The following ZC3H7A variants were observed in gnomAD, a reference collection of about 807,000 sequenced individuals.
ZC3H7A encodes zinc finger CCCH domain-containing protein 7A.
A neutral mutation model predicts 125.5 loss-of-function variants in ZC3H7A; 44 were observed. That is an observed-to-expected ratio of 0.35 (90% CI 0.28 to 0.45). ZC3H7A has a LOEUF of 0.45. Among genes scored for constraint, ZC3H7A ranks in the 20% least tolerant of loss-of-function variants. The probability of loss-of-function intolerance (pLI) is 1.00; values close to 1 mark genes in which losing one functional copy is unlikely to be tolerated. For synonymous variants in ZC3H7A, 399 were observed against 391.2 expected, an observed-to-expected ratio of 1.02 and a Z score of -0.23; for missense variants, 977 against 1,170.7, an observed-to-expected ratio of 0.83 and a Z score of 2.41.
At position 11,768,460 on chromosome 16, in the gene ZC3H7A, C is replaced by A; in HGVS notation, c.1215G>T (p.Leu405=). 6.6e-7 allele frequency: 1 copy of A among 1,509,040 alleles called. No homozygotes were observed. Among genetic ancestry groups the A allele is most frequent in the Non-Finnish European group, 9.0e-7 (1 of 1,117,146 alleles). 93.5% of individuals were successfully genotyped at this position (1,509,040 alleles called of 1,614,324 possible). ...PGSLFASENF[L]GISSQPRNDF... ...CATTTCTAGGCTGACTTGAAATTCCCAGGAAATTCTCTGAAGCAAACAAAC... is the reference window on the plus strand; with the variant it reads ...CATTTCTAGGCTGACTTGAAATTCCAAGGAAATTCTCTGAAGCAAACAAAC... Residue 405 remains leucine (L), a synonymous_variant, in exon 12 of 23, where the codon CTG becomes CTT. Transcript: ENST00000355758.
intron 7 of ZC3H7A, chr16:11,775,484 T>A (rs1181068386): frequency 6.5e-6 from 1 of 154,456 alleles, no homozygotes. Context: ...CACGCAAACC[T>A]GTATACATGT....
rs1283945713 is a variant in ZC3H7A at position 11,770,887 on chromosome 16, T to C, written c.1004A>G (p.Tyr335Cys). ...LLGTLPIGAR[Y>C]APPPSFSEFY... ...TTCTGAGAAGGAGGGTGGAGGAGCA[T>C]ACCTCGCACCAATGGGTAAGGTTCC... Residue 335 changes from tyrosine (Y) to cysteine (C), a missense_variant, in exon 10 of 23, where the codon TAT becomes TGT. By Grantham distance (194) the Tyr-to-Cys change is radical. This residue lies in a region of ZC3H7A where 342 missense variants were observed against 311.3 expected (regional missense o/e 1.10). Transcript: ENST00000355758. 1.9e-6 allele frequency: 3 copies of C among 1,613,996 alleles called. No individual in the cohort carries two copies. The highest frequency in any genetic ancestry group is 2.2e-5 in the East Asian group (1 of 44,890).
At chr16:11,795,717 G>T (rs1047726964) in intron 1 of ZC3H7A, among the ~76,000 whole-genome samples, 1 of 152,022 alleles carries the variant, frequency 6.6e-6, no homozygotes, top group African/African-American at 2.4e-5. Context: ...GATTACAGAC[G>T]TTGAGCCACC....
rs1171247192 is a variant in ZC3H7A, at chr16:11,774,430, C to T, written c.709G>A (p.Val237Ile). 2.5e-6 allele frequency: 4 copies of T among 1,609,534 alleles called. No individual in the cohort carries two copies. The highest frequency in any genetic ancestry group is 2.5e-6 in the Non-Finnish European group (3 of 1,176,860). Residue 237 changes from valine (V) to isoleucine (I), a missense_variant, in exon 9 of 23, where the codon GTT becomes ATT. By Grantham distance (29) the Val-to-Ile change is conservative. This residue lies in a region of ZC3H7A where 342 missense variants were observed against 311.3 expected (regional missense o/e 1.10). Transcript: ENST00000355758. The part of the protein sequence containing the change: ...SHEVGSELAS[V>I]PVMPLTSILP... The stretch of plus-strand genomic sequence containing the variant: ...ATAGAAGTTAAGGGCATAACAGGAA[C>T]TGAGGCCAGCTCACTTCCAACTTCA...
chr16:11,781,327 A>G, intron 3 of ZC3H7A, 98 bp downstream of exon 3: 1 of 1,152,606 alleles, frequency 8.7e-7, no homozygotes, highest in Non-Finnish European at 1.3e-6. Context: ...AGCAGGCCAG[A>G]TTGGGCCCAC....
At chr16:11,771,366 C>T (rs185611358) in intron 9 of ZC3H7A, among the ~76,000 whole-genome samples, 3 of 151,022 alleles carry the variant, frequency 2.0e-5, no homozygotes, top group South Asian at 2.1e-4. Context: ...ACAGCCTGGG[C>T]GACAGAGCAA....
In ZC3H7A at chr16:11,769,040, G is replaced by T; in HGVS notation, c.1164C>A (p.Ser388=). 1 of 1,607,192 alleles carries T rather than the reference G, an allele frequency of 6.2e-7. No homozygotes were observed. Among genetic ancestry groups the T allele is most frequent in the Non-Finnish European group, 8.5e-7 (1 of 1,177,568 alleles). ...AGGAAGTGGCACTTACAAGTAAAAG[G>T]GAAGAATTACTGTTGTTAAGCGGTG... ...EGTPLNNSNS[S]LLLMNGPGSL... is the part of the protein sequence containing the mutation. Residue 388 remains serine, a synonymous_variant, in exon 11 of 23, where the codon TCC becomes TCA. Coordinates refer to ENST00000355758, the MANE Select transcript of ZC3H7A (RefSeq NM_014153.4).
At chr16:11,789,082 GT>G (rs1164770554) in intron 1 of ZC3H7A, among the ~76,000 whole-genome samples, 1 of 152,070 alleles carries the variant, frequency 6.6e-6, no homozygotes, top group Non-Finnish European at 1.5e-5. Context: ...CCATAGTTTG[GT>G]TAACAGTATT....
At chr16:11,775,088 C>T (rs1023075566) in intron 7 of ZC3H7A, 75 bp from the exon 8 acceptor site, 14 of 1,531,134 alleles carry the variant, frequency 9.1e-6, no homozygotes, top group African/African-American at 1.4e-5. Flanking sequence ...AAAACTCACC[C>T]TAGGCCGGGC....
intron 15 of ZC3H7A, among the ~76,000 whole-genome samples, chr16:11,764,297 C>T (rs1403358041): frequency 1.3e-5 from 2 of 151,832 alleles, no homozygotes; most frequent in African/African-American, 4.8e-5. Context: ...TCCTATAATC[C>T]CAGCACTTTG....
At chr16:11,759,504 G>C (rs2052706059) in intron 19 of ZC3H7A, 1 of 152,094 alleles carries the variant, frequency 6.6e-6, no homozygotes, top group Admixed American at 6.6e-5. Flanking sequence ...GTCAGTACTG[G>C]ATAAAATAGT....
chr16:11,774,860 T>TTAA (rs1394748113), intron 8 of ZC3H7A, 120 bp downstream of exon 8: 1 of 1,193,792 alleles, frequency 8.4e-7, no homozygotes, highest in Non-Finnish European at 1.2e-6. Context: ...CACTTTCATA[T>TTAA]TAATACATTA....
intron 1 of ZC3H7A, among the ~76,000 whole-genome samples, chr16:11,789,329 T>C (rs2141219361): frequency 6.6e-6 from 1 of 152,072 alleles, no homozygotes; most frequent in South Asian, 2.1e-4. Context: ...AATGGCACAA[T>C]CTCCAGCCTC....
At chr16:11,768,596 A>G (rs2052910955) in intron 11 of ZC3H7A, 95 bp from the exon 12 acceptor site, 2 of 1,142,206 alleles carry the variant, frequency 1.8e-6, no homozygotes, top group Non-Finnish European at 1.2e-6. Context: ...AAAATAAGAT[A>G]ATCTTCATAA....
chr16:11,773,888 A>T (rs527893254), intron 9 of ZC3H7A, among the ~76,000 whole-genome samples: 37 of 152,274 alleles, frequency 2.4e-4, no homozygotes, highest in East Asian at 5.8e-4. Flanking sequence ...GTCTCAAAAA[A>T]AAATAAATAA....
chr16:11,765,591 T>A lies in ZC3H7A; in HGVS notation c.1617A>T (p.Gly539=), dbSNP rs756359275. The part of the protein sequence containing the change: ...EIDVWTLERK[G]AFSREAFFGG... ...CAAAGAAAGCCTCCCGGCTGAATGC[T>A]CCTTTCCGCTCCAGTGTCCACACAT... Residue 539 remains glycine (G), a synonymous_variant, in exon 14 of 23, where the codon GGA becomes GGT. Transcript: ENST00000355758. This position sits in a 1 kb window ranked among gnomAD's most constrained non-coding sequence, Gnocchi z 4.8. 3.1e-6 allele frequency: 5 copies of A among 1,614,170 alleles called. No individual in the cohort carries two copies. In the East Asian group the frequency reaches 1.1e-4, roughly 36 times the overall value.
intron 3 of ZC3H7A, 138 bp downstream of exon 3, chr16:11,781,287 A>G: frequency 1.5e-6 from 1 of 683,710 alleles, no homozygotes; most frequent in South Asian, 2.6e-5. Flanking sequence ...TTGCAAAAAA[A>G]TAAAATAAAA....
At position 11,771,003 on chromosome 16, in the gene ZC3H7A, A is replaced by AT; in HGVS notation, c.904-17_904-16insA. 1 of 1,583,128 alleles carries AT rather than the reference A, an allele frequency of 6.3e-7. No homozygotes were observed. The highest frequency in any genetic ancestry group is 8.6e-7 in the Non-Finnish European group (1 of 1,167,678). ...AAGCTGACGGCTGCGGAAGAAAAAA[A>AT]GATGTGATTAAAATTCATGAAGCTG... On this transcript the variant is annotated splice_polypyrimidine_tract_variant and intron_variant, in intron 9 of 22. Transcript: ENST00000355758.
rs1185865977 is a variant in ZC3H7A at position 11,774,596 on chromosome 16, G to T, written c.620-77C>A. On this transcript the variant is annotated intron_variant, in intron 8 of 22. Coordinates refer to ENST00000355758, the MANE Select transcript of ZC3H7A (RefSeq NM_014153.4). ...AATACCATTAATCCCCAATAATAGA[G>T]ATACAAAGATGAAAATATGAAGGCA... 3 of 1,396,726 alleles carry T rather than the reference G, an allele frequency of 2.1e-6. No homozygotes were observed. In the African/African-American group the frequency reaches 4.4e-5, roughly 20 times the overall value. 86.5% of individuals were successfully genotyped at this position (1,396,726 alleles called of 1,614,324 possible).
Sources: allele counts gnomAD v4.1 joint callset (sites outside exome capture counted in the v4.1 genomes callset), GRCh38; gene constraint gnomAD v4.1.1; regional missense constraint gnomAD v4.1.1; non-coding constraint Gnocchi (gnomAD v3.1); transcripts MANE v1.5; gene names NCBI Gene and HGNC (gene_info 2026-07-23, HGNC 2026-07-21).